ILDR2: variants seen among roughly 807,000 people sequenced by gnomAD.
ILDR2 encodes immunoglobulin like domain containing receptor 2.
Under a neutral mutation model 66.8 loss-of-function variants are expected in ILDR2, and 25 were observed. The ratio of observed to expected loss-of-function variants is 0.37; its 90% CI spans 0.27 to 0.52. The LOEUF (loss-of-function observed/expected upper bound fraction) is 0.52. Ranked by LOEUF, ILDR2 falls within the 20% of genes least tolerant of loss-of-function variation. ILDR2 has a pLI of 0.88. For synonymous variants in ILDR2, 367 were observed against 357.2 expected (o/e 1.03, Z -0.31); for missense variants, 827 against 876.8 (o/e 0.94, Z 0.72).
chr1:166,904,692 C>T (rs1043614087), downstream of ILDR2, among the ~76,000 whole-genome samples: 2 of 152,162 alleles, frequency 1.3e-5, no homozygotes, highest in Non-Finnish European at 2.9e-5. Flanking sequence ...TACTCAGAGG[C>T]TCAGATAACA....
chr1:166,922,586 CCAT>C lies in ILDR2; in HGVS notation c.1211+4_1211+6del. On this transcript the variant is annotated splice_donor_5th_base_variant and intron_variant, in intron 8 of 9. Transcript: ENST00000271417. ...CACCGACCAGACCTGCCCCTCACAGCCATCACCTGTGCCTGAAGCTCTCTCGAT... is the reference window on the plus strand; with the variant it reads ...CACCGACCAGACCTGCCCCTCACAGCCACCTGTGCCTGAAGCTCTCTCGAT... 6.2e-7 allele frequency: 1 copy of C among 1,612,512 alleles called. No homozygotes were observed. The highest frequency in any genetic ancestry group is 8.5e-7 in the Non-Finnish European group (1 of 1,179,344).
At chr1:166,957,489 C>G (rs897016607) in intron 2 of ILDR2, among the ~76,000 whole-genome samples, 7 of 152,142 alleles carry the variant, frequency 4.6e-5, no homozygotes, top group Non-Finnish European at 8.8e-5. Flanking sequence ...CAATTCAGCT[C>G]TAAAAACAAG....
chr1:166,966,419 G>C (rs1288190608), intron 1 of ILDR2, among the ~76,000 whole-genome samples: 1 of 152,162 alleles, frequency 6.6e-6, no homozygotes, highest in Non-Finnish European at 1.5e-5. Flanking sequence ...CCCCCCAAGA[G>C]TCTCAAAAGC....
At chr1:166,899,549 A>G (rs1307385863) in intron 2 of ILDR2, among the ~76,000 whole-genome samples, 2 of 152,214 alleles carry the variant, frequency 1.3e-5, no homozygotes, top group Admixed American at 1.3e-4. Flanking sequence ...ATTTCACTTT[A>G]CAAGCTGACA....
At chr1:166,937,628 G>A (rs1661060928) in intron 4 of ILDR2, among the ~76,000 whole-genome samples, 1 of 152,224 alleles carries the variant, frequency 6.6e-6, no homozygotes, top group South Asian at 2.1e-4. Flanking sequence ...AAAAGATTAA[G>A]AGAAAGGAAA....
intron 3 of ILDR2, among the ~76,000 whole-genome samples, chr1:166,947,819 TGAGCAACAAGTGA>T (rs1661724820): frequency 6.6e-6 from 1 of 151,938 alleles, no homozygotes. Context: ...CCCACAGTGA[TGAGCAACAAGTGA>T]AGCAAAAATA....
At chr1:166,919,731 G>C (rs1295144698) in intron 9 of ILDR2, among the ~76,000 whole-genome samples, 1 of 152,158 alleles carries the variant, frequency 6.6e-6, no homozygotes, top group Non-Finnish European at 1.5e-5. Context: ...TTTGGTTATT[G>C]CATTTTTTTA....
chr1:166,952,242 C>T (rs1354451084), intron 3 of ILDR2, among the ~76,000 whole-genome samples: 2 of 152,188 alleles, frequency 1.3e-5, no homozygotes, highest in South Asian at 2.1e-4. Context: ...CCTGTCCTTA[C>T]CATGGATCCT....
chr1:166,907,399 AC>A (rs1254458780), downstream of ILDR2, among the ~76,000 whole-genome samples: 1 of 152,142 alleles, frequency 6.6e-6, no homozygotes, highest in Non-Finnish European at 1.5e-5. Flanking sequence ...GTGAAAATCC[AC>A]CTTCATGTGA....
intron 1 of ILDR2, among the ~76,000 whole-genome samples, chr1:166,967,829 C>T (rs1336613729): frequency 6.6e-6 from 1 of 152,136 alleles, no homozygotes. Context: ...CCAGCAGTCC[C>T]CAGCCAGAAA....
rs1659944420 is a variant in ILDR2 at position 166,921,560 on chromosome 1, G to C, written c.1212-181C>G. Reference sequence around the variant, plus strand: ...TCTCACACCCCAGAACGTCAAGTAGGGGCAACCGAGTCTATTCCACTCGTG... The same window carrying C: ...TCTCACACCCCAGAACGTCAAGTAGCGGCAACCGAGTCTATTCCACTCGTG... On this transcript the variant is annotated intron_variant, in intron 8 of 9. Coordinates refer to ENST00000271417, the MANE Select transcript of ILDR2 (RefSeq NM_199351.3). This position sits in a 1 kb window ranked among gnomAD's most constrained non-coding sequence, Gnocchi z 5.3. 6.6e-6 allele frequency among the ~76,000 whole-genome samples: 1 copy of C among 152,194 alleles called. No individual in the cohort carries two copies.
intron 1 of ILDR2, among the ~76,000 whole-genome samples, chr1:166,965,329 T>C (rs1462723477): frequency 6.6e-6 from 1 of 152,164 alleles, no homozygotes. Context: ...TCATATATAC[T>C]TTATACACAT....
chr1:166,927,091 G>A lies in ILDR2; in HGVS notation c.970C>T (p.Pro324Ser). 6.2e-7 allele frequency: 1 copy of A among 1,611,974 alleles called. No homozygotes were observed. Among genetic ancestry groups the A allele is most frequent in the Non-Finnish European group, 8.5e-7 (1 of 1,178,742 alleles). ...CATCTGCCTCTCATCCTTCTGGCTG[G>A]ATCAAACTGAGCCAGCTCCTTCTCA... The part of the protein sequence containing the change: ...YVEKELAQFD[P>S]ARRMRGRYNN... The change falls in exon 7 of 10, where the codon CCA (proline) becomes TCA (serine). Residue 324 changes from proline to serine, a missense_variant. Around this residue, in one of 2 missense-constraint regions of ILDR2, gnomAD observed 437 missense variants for 523.2 expected, o/e 0.84. Transcript: ENST00000271417.
chr1:166,936,638 T>A lies in ILDR2; in HGVS notation c.656A>T (p.Tyr219Phe). The change falls in exon 5 of 10, where the codon TAT becomes TTT. Residue 219 changes from tyrosine to phenylalanine, a missense_variant. Physicochemically the swap from Tyr to Phe is conservative, Grantham distance 22. Around this residue, in one of 2 missense-constraint regions of ILDR2, gnomAD observed 437 missense variants for 523.2 expected, o/e 0.84. Coordinates refer to ENST00000271417, the MANE Select transcript of ILDR2 (RefSeq NM_199351.3). This position sits in a 1 kb window ranked among gnomAD's most constrained non-coding sequence, Gnocchi z 5.0. ...CQCCPHSCCCYVRCPCCPDSC... is the reference protein window; with the variant it reads ...CQCCPHSCCCFVRCPCCPDSC... ...ATCTGGGCAGCATGGGCAGCGGACA[T>A]AGCAGCAGCAGCTGTGAGGGCAGCA... 2 of 1,613,764 alleles carry A rather than the reference T, an allele frequency of 1.2e-6. No homozygotes were observed. The highest frequency in any genetic ancestry group is 2.2e-5 in the South Asian group (2 of 91,064).
downstream of ILDR2, among the ~76,000 whole-genome samples, chr1:166,907,777 A>G (rs1659375321): frequency 6.6e-6 from 1 of 152,224 alleles, no homozygotes; most frequent in Non-Finnish European, 1.5e-5. Context: ...TTCTTCCATG[A>G]CCAATGCTGT....
intron 1 of ILDR2, among the ~76,000 whole-genome samples, chr1:166,967,273 C>T (rs998024687): frequency 6.6e-6 from 1 of 152,170 alleles, no homozygotes; most frequent in Admixed American, 6.5e-5. Context: ...ATGTTGGAAA[C>T]GGTAGGCTTA....
rs1452273530 is a variant in ILDR2, at chr1:166,912,844, C to T, written c.*6511G>A. ...CCTCCCACGAATAGCTTCCTTCCTCCCTTCCCCAAGTGTAATTTCTAGCAG... is the reference window on the plus strand; with the variant it reads ...CCTCCCACGAATAGCTTCCTTCCTCTCTTCCCCAAGTGTAATTTCTAGCAG... On this transcript the variant is annotated 3_prime_UTR_variant, in exon 10 of 10. Coordinates refer to ENST00000271417, the MANE Select transcript of ILDR2 (RefSeq NM_199351.3). The T allele has an allele frequency of 6.6e-6, 1 of 152,166 alleles. No individual in the cohort carries two copies. The highest frequency in any genetic ancestry group is 6.5e-5 in the Admixed American group (1 of 15,274). 9.4% of individuals were successfully genotyped at this position (152,166 alleles called of 1,614,324 possible).
intron 1 of ILDR2, among the ~76,000 whole-genome samples, chr1:166,961,379 A>G (rs1320152084): frequency 5.3e-5 from 8 of 152,202 alleles, no homozygotes; most frequent in African/African-American, 1.9e-4. Context: ...TCAATTATTA[A>G]TAGAGGTTGG....
In ILDR2 at chr1:166,911,706, T is replaced by C. The variant is rs1367089668; in HGVS notation, c.*7649A>G. ...ACAAGACAACAGGGACTATGTAAAT[T>C]TGAAAAAGAACTAAACTCCTAGAAA... On this transcript the variant is annotated 3_prime_UTR_variant, in exon 10 of 10. Coordinates refer to ENST00000271417, the MANE Select transcript of ILDR2 (RefSeq NM_199351.3). 2 of 149,222 alleles carry C rather than the reference T, an allele frequency of 1.3e-5. No individual in the cohort carries two copies. Among genetic ancestry groups the C allele is most frequent in the East Asian group, 1.9e-4 (1 of 5,162 alleles). 9.2% of individuals were successfully genotyped at this position (149,222 alleles called of 1,614,324 possible). A position where few individuals can be genotyped will look rare whatever the true frequency, so the allele number is the denominator to read the frequency against.
Sources: allele counts gnomAD v4.1 joint callset (sites outside exome capture counted in the v4.1 genomes callset), GRCh38; gene constraint gnomAD v4.1.1; regional missense constraint gnomAD v4.1.1; non-coding constraint Gnocchi (gnomAD v3.1); transcripts MANE v1.5; gene names NCBI Gene and HGNC (gene_info 2026-07-23, HGNC 2026-07-21).